ATP1A1: variants seen among roughly 807,000 people sequenced by gnomAD.
ATP1A1 encodes the protein ATPase Na+/K+ transporting subunit alpha 1, also known as sodium/potassium-transporting ATPase subunit alpha-1.
In ATP1A1, 14 loss-of-function variants were observed where a neutral mutation model predicts 114.8. That is an observed-to-expected ratio of 0.12 (90% CI 0.08 to 0.19). The LOEUF (loss-of-function observed/expected upper bound fraction) is 0.19, where lower values mean the gene tolerates loss of function less well. ATP1A1 is among the 10% of genes least tolerant of loss of function. ATP1A1 has a pLI of 1.00. For synonymous variants in ATP1A1, 471 were observed against 466.3 expected (o/e 1.01, Z -0.13); for missense variants, 524 against 1,290.7 (o/e 0.41, Z 9.10).
chr1:116,390,493 CTTT>C, intron 9 of ATP1A1, 82 bp downstream of exon 9: 6 of 870,910 alleles, frequency 6.9e-6, no homozygotes, highest in South Asian at 4.4e-5. Flanking sequence ...CATGAAATTT[CTTT>C]TTTTTTTTTA....
Position 116,388,509 on chromosome 1 carries a change from T to C in ATP1A1, c.502-129T>C. On this transcript the variant is annotated intron_variant, in intron 5 of 22. Transcript: ENST00000295598. This position sits in a 1 kb window ranked among gnomAD's most constrained non-coding sequence, Gnocchi z 5.6. Reference sequence around the variant, plus strand: ...AGCAAGCTTTTGTAACTTGTGTAAATAAAAAAGTGAATAATATCTTTGTTT... The same window carrying C: ...AGCAAGCTTTTGTAACTTGTGTAAACAAAAAAGTGAATAATATCTTTGTTT... 7.5e-7 allele frequency: 1 copy of C among 1,335,080 alleles called. No individual in the cohort carries two copies. The highest frequency in any genetic ancestry group is 2.5e-5 in the Admixed American group (1 of 40,482). 82.7% of individuals were successfully genotyped at this position (1,335,080 alleles called of 1,614,324 possible).
rs1651121725 is a variant in ATP1A1 at position 116,373,412 on chromosome 1, G to A, written c.-100G>A. On this transcript the variant is annotated 5_prime_UTR_variant, in exon 1 of 23. Transcript: ENST00000295598. ...GCGGCAGCCCTAGCTCCCTCCACTT[G>A]GCTCCCCTGGTCCCGCTCGCTCGGC... The A allele has an allele frequency of 3.3e-6, 3 of 903,212 alleles. No homozygotes were observed. The South Asian group carries it at 4.9e-5, about 15-fold the overall frequency. 55.9% of individuals were successfully genotyped at this position (903,212 alleles called of 1,614,324 possible).
Position 116,387,967 on chromosome 1 carries a change from T to C in ATP1A1, c.388-164T>C, listed in dbSNP as rs949562531. ...TGTGCCTGACTCCATTTCTGACCCT[T>C]CCTGTGTGGTCTTTAGAAGGATAAA... On this transcript the variant is annotated intron_variant, in intron 4 of 22. Transcript: ENST00000295598. This position sits in a 1 kb window ranked among gnomAD's most constrained non-coding sequence, Gnocchi z 6.7. 6.6e-6 allele frequency among the ~76,000 whole-genome samples: 1 copy of C among 152,232 alleles called. No homozygotes were observed. Among genetic ancestry groups the C allele is most frequent in the African/African-American group, 2.4e-5 (1 of 41,468 alleles).
In ATP1A1 at chr1:116,399,689, G is replaced by A. The variant is rs143621813; in HGVS notation, c.2572+146G>A. On this transcript the variant is annotated intron_variant, in intron 18 of 22. Coordinates refer to ENST00000295598, the MANE Select transcript of ATP1A1 (RefSeq NM_000701.8). This position sits in a 1 kb window ranked among gnomAD's most constrained non-coding sequence, Gnocchi z 5.0. ...AGCCCTAACGGAGTGAGCCTGTGGA[G>A]TTTCTCTGAACTCTCTTCCATGTGA... is the stretch of plus-strand genomic sequence containing the variant. 116 of 1,168,446 alleles carry A rather than the reference G, an allele frequency of 9.9e-5. No homozygotes were observed. In the East Asian group the frequency reaches 2.7e-3, roughly 28 times the overall value. The allele number at this position is 1,168,446 out of a possible 1,614,324, so 72.4% of individuals were successfully genotyped here.
intron 21 of ATP1A1, among the ~76,000 whole-genome samples, chr1:116,402,553 C>T (rs1269290372): frequency 6.6e-6 from 1 of 152,206 alleles, no homozygotes; most frequent in Non-Finnish European, 1.5e-5. Flanking sequence ...GTGCAGACAT[C>T]GTCTGTGGTG....
intron 1 of ATP1A1, among the ~76,000 whole-genome samples, chr1:116,375,807 C>A (rs2101028411): frequency 6.6e-6 from 1 of 152,270 alleles, no homozygotes; most frequent in Middle Eastern, 3.4e-3. Flanking sequence ...AACAAGGAAG[C>A]CTGTGCCGGC....
In ATP1A1 at chr1:116,393,171, C is replaced by G. The variant is rs1652609529; in HGVS notation, c.1467+183C>G. On this transcript the variant is annotated intron_variant, in intron 11 of 22. Coordinates refer to ENST00000295598, the MANE Select transcript of ATP1A1 (RefSeq NM_000701.8). This position sits in a 1 kb window ranked among gnomAD's most constrained non-coding sequence, Gnocchi z 5.0. ...AATATCAGCAGGATAAATGAAGCCT[C>G]TTGCAAAACACTGTTGAGCCCTTTT... is the stretch of plus-strand genomic sequence containing the variant. 1 of 961,404 alleles carries G rather than the reference C, an allele frequency of 1.0e-6. No individual in the cohort carries two copies. Among genetic ancestry groups the G allele is most frequent in the African/African-American group, 1.7e-5 (1 of 60,232 alleles). The allele number at this position is 961,404 out of a possible 1,614,324, so 59.6% of individuals were successfully genotyped here. A position where few individuals can be genotyped will look rare whatever the true frequency, so the allele number is the denominator to read the frequency against.
chr1:116,387,229 G>A lies in ATP1A1; in HGVS notation c.184-59G>A. The A allele has an allele frequency of 6.3e-7, 1 of 1,582,652 alleles. No homozygotes were observed. Among genetic ancestry groups the A allele is most frequent in the Non-Finnish European group, 8.7e-7 (1 of 1,154,948 alleles). Reference sequence around the variant, plus strand: ...TTGCAACCGTCCAGCTACCAGGTAGGTATATTGCCTTGTAAGTGCTGGTAC... The same window carrying A: ...TTGCAACCGTCCAGCTACCAGGTAGATATATTGCCTTGTAAGTGCTGGTAC... On this transcript the variant is annotated intron_variant, in intron 3 of 22. Coordinates refer to ENST00000295598, the MANE Select transcript of ATP1A1 (RefSeq NM_000701.8). The surrounding 1 kb of genome is among the most constrained non-coding windows in gnomAD (Gnocchi z 6.7).
At chr1:116,374,185 C>T (rs774764129) in intron 1 of ATP1A1, 9 of 1,550,304 alleles carry the variant, frequency 5.8e-6, no homozygotes, top group South Asian at 3.6e-5. Context: ...GCGAAGCCGG[C>T]TGGGCGGGCT....
At chr1:116,390,144 A>G (rs1652347405) in intron 8 of ATP1A1, 69 bp from the exon 9 acceptor site, 2 of 1,458,102 alleles carry the variant, frequency 1.4e-6, no homozygotes, top group Admixed American at 1.7e-5. Context: ...CCACATTAGG[A>G]TATAGCAAGA....
In ATP1A1 at chr1:116,401,896, C is replaced by G. The variant is rs1423726641; in HGVS notation, c.2951+241C>G. ...AAGATAAGATAAAGCCACACAGGCTCTAGCTCCATGGAACTGCTCAACAGC... is the reference window on the plus strand; with the variant it reads ...AAGATAAGATAAAGCCACACAGGCTGTAGCTCCATGGAACTGCTCAACAGC... On this transcript the variant is annotated intron_variant, in intron 21 of 22. Transcript: ENST00000295598. The surrounding 1 kb of genome is among the most constrained non-coding windows in gnomAD (Gnocchi z 4.7). 4 of 555,350 alleles carry G rather than the reference C, an allele frequency of 7.2e-6. No individual in the cohort carries two copies. The highest frequency in any genetic ancestry group is 1.3e-5 in the Non-Finnish European group (4 of 313,268). The allele number at this position is 555,350 out of a possible 1,614,324, so 34.4% of individuals were successfully genotyped here.
intron 1 of ATP1A1, chr1:116,373,827 G>A: frequency 8.0e-7 from 1 of 1,244,600 alleles, no homozygotes; most frequent in Non-Finnish European, 1.0e-6. Flanking sequence ...TCCGAGAGGC[G>A]GTGCTTGGGA....
chr1:116,398,185 A>G lies in ATP1A1; in HGVS notation c.2124+147A>G. ...ATAGGCCAGTAGGAAGCTCATAGGC[A>G]TAGAGAGGGTGACTTGTTAATGGTT... On this transcript the variant is annotated intron_variant, in intron 15 of 22. Coordinates refer to ENST00000295598, the MANE Select transcript of ATP1A1 (RefSeq NM_000701.8). This position sits in a 1 kb window ranked among gnomAD's most constrained non-coding sequence, Gnocchi z 6.1. 8.5e-7 allele frequency: 1 copy of G among 1,176,318 alleles called. No individual in the cohort carries two copies. The highest frequency in any genetic ancestry group is 1.6e-5 in the South Asian group (1 of 63,042). The allele number at this position is 1,176,318 out of a possible 1,614,324, so 72.9% of individuals were successfully genotyped here.
chr1:116,379,173 G>A (rs1351264192), intron 1 of ATP1A1, among the ~76,000 whole-genome samples: 1 of 152,174 alleles, frequency 6.6e-6, no homozygotes, highest in East Asian at 1.9e-4. Context: ...GTTCTTTTGG[G>A]TTGAGGGAAC....
At chr1:116,392,646 C>T (rs548796795) in intron 10 of ATP1A1, 18 of 489,310 alleles carry the variant, frequency 3.7e-5, no homozygotes, top group Admixed American at 1.2e-4. Context: ...TGGGGAAGGA[C>T]GTTGGGGTTT....
At position 116,384,429 on chromosome 1, in the gene ATP1A1, GC is replaced by G. The variant is rs1262753458; in HGVS notation, c.123+306del. Among the ~76,000 whole-genome samples the G allele has an allele frequency of 6.6e-6, 1 of 152,120 alleles. No individual in the cohort carries two copies. Among genetic ancestry groups the G allele is most frequent in the Non-Finnish European group, 1.5e-5 (1 of 68,008 alleles). On this transcript the variant is annotated intron_variant, in intron 2 of 22. Coordinates refer to ENST00000295598, the MANE Select transcript of ATP1A1 (RefSeq NM_000701.8). The surrounding 1 kb of genome is among the most constrained non-coding windows in gnomAD (Gnocchi z 5.1). ...ACATTGGGAAATTCAGCCTCTCCAGGCGATGGAAGCTTCCATAGACTTAACC... is the reference window on the plus strand; with the variant it reads ...ACATTGGGAAATTCAGCCTCTCCAGGGATGGAAGCTTCCATAGACTTAACC...
chr1:116,399,633 G>A lies in ATP1A1; in HGVS notation c.2572+90G>A, dbSNP rs1653252718. On this transcript the variant is annotated intron_variant, in intron 18 of 22. Transcript: ENST00000295598. This position sits in a 1 kb window ranked among gnomAD's most constrained non-coding sequence, Gnocchi z 5.0. ...CAGGTTGAGGTTGATTTCAGAGACTGCAAATCCAGGCGACTTTCAGGTCTA... is the reference window on the plus strand; with the variant it reads ...CAGGTTGAGGTTGATTTCAGAGACTACAAATCCAGGCGACTTTCAGGTCTA... The A allele has an allele frequency of 1.9e-6, 3 of 1,544,440 alleles. No homozygotes were observed. The highest frequency in any genetic ancestry group is 2.3e-5 in the East Asian group (1 of 44,248).
In ATP1A1 at chr1:116,373,585, T is replaced by G. The variant is rs1480327475; in HGVS notation, c.12+62T>G. On this transcript the variant is annotated intron_variant, in intron 1 of 22. Coordinates refer to ENST00000295598, the MANE Select transcript of ATP1A1 (RefSeq NM_000701.8). ...AGCCCTCGAGGGGAAGAGGAGGAAGTCGGGAGGGCGACCGCGGCCAGCGGG... is the reference window on the plus strand; with the variant it reads ...AGCCCTCGAGGGGAAGAGGAGGAAGGCGGGAGGGCGACCGCGGCCAGCGGG... 9.6e-6 allele frequency: 13 copies of G among 1,349,828 alleles called. No homozygotes were observed. The Admixed American group carries it at 3.0e-4, about 31-fold the overall frequency. The allele number at this position is 1,349,828 out of a possible 1,614,324, so 83.6% of individuals were successfully genotyped here.
intron 10 of ATP1A1, among the ~76,000 whole-genome samples, chr1:116,392,040 C>T (rs918643504): frequency 6.6e-6 from 1 of 152,200 alleles, no homozygotes; most frequent in Non-Finnish European, 1.5e-5. Context: ...ACCCAGCCAA[C>T]TTTCTTGCTC....
Sources: gnomAD v4.1 joint callset for allele counts (sites outside exome capture counted in the v4.1 genomes callset) on GRCh38, gnomAD v4.1.1 for gene constraint, Gnocchi (gnomAD v3.1) non-coding constraint, MANE v1.5 for transcripts, NCBI Gene and HGNC (gene_info 2026-07-23, HGNC 2026-07-21) for gene names.